Variants in LRBA observed in about 807,000 individuals in gnomAD.
LRBA encodes the protein lipopolysaccharide-responsive and beige-like anchor protein.
Under a neutral mutation model 330.0 loss-of-function variants are expected in LRBA, and 176 were observed. The observed-to-expected ratio is 0.53, with a 90% CI of 0.47 to 0.60. The LOEUF is 0.60. Among genes scored for constraint, LRBA ranks in the 20% least tolerant of loss-of-function variants. The pLI is 0.00. For synonymous variants in LRBA, 1,230 were observed against 1,193.0 expected, an observed-to-expected ratio of 1.03 and a Z score of -0.64; for missense variants, 3,259 against 3,444.8, an observed-to-expected ratio of 0.95 and a Z score of 1.35.
intron 56 of LRBA, among the ~76,000 whole-genome samples, chr4:150,276,545 T>C (rs1355875746): frequency 1.3e-5 from 2 of 152,172 alleles, no homozygotes; most frequent in Non-Finnish European, 2.9e-5. Context: ...AAAGGGCTAA[T>C]ATCCAGAATC....
intron 17 of LRBA, among the ~76,000 whole-genome samples, chr4:150,887,677 G>C (rs1260594714): frequency 1.3e-5 from 2 of 150,856 alleles, no homozygotes; most frequent in African/African-American, 4.9e-5. Context: ...GCTGAGGCAG[G>C]AGAATGGCAT....
chr4:150,691,780 T>C (rs1784162843), intron 36 of LRBA, among the ~76,000 whole-genome samples: 1 of 152,042 alleles, frequency 6.6e-6, no homozygotes, highest in East Asian at 1.9e-4. Flanking sequence ...GTCATAAAAG[T>C]CAGACACTGA....
At chr4:150,637,965 C>T (rs1778087921) in intron 37 of LRBA, among the ~76,000 whole-genome samples, 1 of 152,058 alleles carries the variant, frequency 6.6e-6, no homozygotes, top group African/African-American at 2.4e-5. Flanking sequence ...TGGGTTCCGA[C>T]TACCAATTTC....
Position 150,583,325 on chromosome 4 carries a change from T to G in LRBA, c.6330+4723A>C, listed in dbSNP as rs746711895. The G allele has an allele frequency of 6.2e-6, 10 of 1,614,220 alleles. No individual in the cohort carries two copies. Among genetic ancestry groups the G allele is most frequent in the Non-Finnish European group, 8.5e-6 (10 of 1,180,026 alleles). ...GACGGCTCGCTGCCCGGCTGCGCAG[T>G]GCTCAAACTGAGCGATGGGCGGAAG... is the stretch of plus-strand genomic sequence containing the variant. On this transcript the variant is annotated intron_variant, in intron 40 of 56. Transcript: ENST00000651943. This position sits in a 1 kb window ranked among gnomAD's most constrained non-coding sequence, Gnocchi z 9.8.
intron 40 of LRBA, among the ~76,000 whole-genome samples, chr4:150,534,436 C>CCCT (rs746030441): frequency 1.2e-4 from 18 of 150,972 alleles, no homozygotes; most frequent in Non-Finnish European, 2.2e-4. Context: ...TACAAAGCTA[C>CCCT]CCTCCTTTTT....
At chr4:150,292,981 A>G (rs575849241) in intron 53 of LRBA, among the ~76,000 whole-genome samples, 1 of 152,292 alleles carries the variant, frequency 6.6e-6, no homozygotes, top group South Asian at 2.1e-4. Flanking sequence ...ATCAAAATAT[A>G]AAACCTGGCT....
chr4:150,808,936 A>C (rs1191593323), intron 31 of LRBA, among the ~76,000 whole-genome samples: 1 of 152,130 alleles, frequency 6.6e-6, no homozygotes, highest in Non-Finnish European at 1.5e-5. Flanking sequence ...CTTATGCCCC[A>C]AATACAAAAA....
chr4:150,958,993 C>A lies in LRBA; in HGVS notation c.217-29928G>T, dbSNP rs182234369. Among the ~76,000 whole-genome samples, 626 of 149,560 alleles carry A rather than the reference C, an allele frequency of 4.2e-3. 12 individuals are homozygous for A. The highest frequency in any genetic ancestry group is 6.4e-3 in the Non-Finnish European group (432 of 68,016). On this transcript the variant is annotated intron_variant, in intron 2 of 56. Coordinates refer to ENST00000651943, the MANE Select transcript of LRBA (RefSeq NM_001364905.1). ...TTCCTGTTACCCACTTCCAAAGTAA[C>A]TTCCACATTTTCAGGTATCTTTACA...
chr4:150,767,175 A>G (rs986353131), intron 34 of LRBA, among the ~76,000 whole-genome samples: 11 of 152,204 alleles, frequency 7.2e-5, no homozygotes, highest in Admixed American at 6.5e-4. Context: ...GATACCAATT[A>G]ACACACTATG....
At chr4:150,487,376 A>C (rs1036816023) in intron 42 of LRBA, among the ~76,000 whole-genome samples, 1 of 151,348 alleles carries the variant, frequency 6.6e-6, no homozygotes, top group South Asian at 2.1e-4. Flanking sequence ...TAAAAAGTAA[A>C]TCTTACAATA....
At chr4:150,410,024 G>A (rs1746737459) in intron 47 of LRBA, among the ~76,000 whole-genome samples, 1 of 151,878 alleles carries the variant, frequency 6.6e-6, no homozygotes, top group Admixed American at 6.6e-5. Flanking sequence ...ATCAATATGG[G>A]AAATGAAAAG....
At chr4:150,467,565 A>T (rs1307290820) in intron 44 of LRBA, 108 bp downstream of exon 44, 3 of 616,350 alleles carry the variant, frequency 4.9e-6, no homozygotes, top group Non-Finnish European at 8.6e-6. Flanking sequence ...TATTAAAGGT[A>T]CGACTATATT....
chr4:150,650,034 C>CT (rs763338596), intron 37 of LRBA, among the ~76,000 whole-genome samples: 148 of 152,244 alleles, frequency 9.7e-4, no homozygotes, highest in East Asian at 1.7e-3. Flanking sequence ...CAGGCACACA[C>CT]TTTCTATATG....
intron 50 of LRBA, among the ~76,000 whole-genome samples, chr4:150,320,504 A>G (rs979533631): frequency 1.3e-5 from 2 of 152,046 alleles, no homozygotes; most frequent in African/African-American, 4.8e-5. Context: ...CACATAATAG[A>G]CAATCAGAAT....
chr4:150,406,852 C>T (rs1746267242), intron 47 of LRBA, among the ~76,000 whole-genome samples: 1 of 152,144 alleles, frequency 6.6e-6, no homozygotes, highest in Admixed American at 6.5e-5. Flanking sequence ...ATAATTGCAG[C>T]TCACTGCAAC....
chr4:150,796,300 G>A (rs1346961085), intron 34 of LRBA, among the ~76,000 whole-genome samples: 1 of 151,852 alleles, frequency 6.6e-6, no homozygotes, highest in Non-Finnish European at 1.5e-5. Flanking sequence ...TGACCTCTTT[G>A]AATTAGGAAA....
At chr4:150,598,946 T>G in intron 38 of LRBA, 61 bp downstream of exon 38, 1 of 1,574,802 alleles carries the variant, frequency 6.3e-7, no homozygotes, top group Non-Finnish European at 8.7e-7. Flanking sequence ...AATGAAGTTA[T>G]GCTCTTCATT....
At chr4:150,996,085 A>G (rs1038070502) in intron 2 of LRBA, among the ~76,000 whole-genome samples, 6 of 151,166 alleles carry the variant, frequency 4.0e-5, no homozygotes, top group Non-Finnish European at 7.4e-5. Flanking sequence ...AAAAAAAAAA[A>G]AGTCAAGATG....
intron 48 of LRBA, among the ~76,000 whole-genome samples, chr4:150,344,990 T>C (rs1195356465): frequency 2.6e-5 from 4 of 152,232 alleles, no homozygotes; most frequent in East Asian, 3.8e-4. Context: ...AGGAAGGGTA[T>C]GCAGTTGCCT....
Sources: gnomAD v4.1 joint callset for allele counts (sites outside exome capture counted in the v4.1 genomes callset) on GRCh38, gnomAD v4.1.1 for gene constraint, Gnocchi (gnomAD v3.1) non-coding constraint, MANE v1.5 for transcripts, NCBI Gene and HGNC (gene_info 2026-07-23, HGNC 2026-07-21) for gene names.